PDE4D: variants seen among roughly 807,000 people sequenced by gnomAD.
PDE4D encodes phosphodiesterase 4D.
PDE4D carries 24 observed loss-of-function variants against 87.4 expected under a neutral mutation model. The ratio of observed to expected loss-of-function variants is 0.27; its 90% CI spans 0.20 to 0.39. The LOEUF is 0.39. Among genes scored for constraint, PDE4D ranks in the 10% least tolerant of loss-of-function variants. PDE4D has a pLI of 1.00. For missense variants in PDE4D, 714 were observed against 1,041.0 expected, an observed-to-expected ratio of 0.69 and a Z score of 4.32; for synonymous variants, 384 against 383.2, an observed-to-expected ratio of 1.00 and a Z score of -0.02.
intron 3 of PDE4D, among the ~76,000 whole-genome samples, chr5:59,964,681 C>T (rs1561918164): frequency 6.6e-6 from 1 of 152,296 alleles, no homozygotes; most frequent in South Asian, 2.1e-4. Flanking sequence ...TCATTTCCCA[C>T]CTGAATTACT....
At chr5:59,997,197 G>A (rs1261910009) in intron 2 of PDE4D, among the ~76,000 whole-genome samples, 1 of 152,096 alleles carries the variant, frequency 6.6e-6, no homozygotes, top group East Asian at 1.9e-4. Flanking sequence ...GGAAAAACAT[G>A]AGTTCTGTCA....
upstream of PDE4D, among the ~76,000 whole-genome samples, chr5:59,898,416 G>A (rs1296780778): frequency 6.6e-6 from 1 of 152,160 alleles, no homozygotes; most frequent in Non-Finnish European, 1.5e-5. Context: ...GGAAGATGGG[G>A]GGAAGAGATA....
chr5:59,902,474 G>T (rs1370834399), intron 3 of PDE4D, among the ~76,000 whole-genome samples: 2 of 152,106 alleles, frequency 1.3e-5, no homozygotes, highest in Non-Finnish European at 2.9e-5. Context: ...TATTAAAAAT[G>T]GAAAGGTTAT....
At chr5:59,808,429 C>T (rs1310908759) in intron 1 of PDE4D, among the ~76,000 whole-genome samples, 1 of 152,158 alleles carries the variant, frequency 6.6e-6, no homozygotes, top group Non-Finnish European at 1.5e-5. Flanking sequence ...GTGTTTAACC[C>T]AGAGCTCTTT....
chr5:60,418,097 G>A (rs1041048687), intron 1 of PDE4D, among the ~76,000 whole-genome samples: 9 of 152,184 alleles, frequency 5.9e-5, no homozygotes, highest in African/African-American at 1.7e-4. Flanking sequence ...ACATTGATTC[G>A]GAATGTTCAT....
chr5:59,788,485 A>G (rs1354098721), intron 1 of PDE4D, among the ~76,000 whole-genome samples: 2 of 152,258 alleles, frequency 1.3e-5, no homozygotes, highest in African/African-American at 4.8e-5. Context: ...GATGTTGCAT[A>G]TAATTCCGTA....
At chr5:60,320,996 A>G (rs927994380) in intron 1 of PDE4D, among the ~76,000 whole-genome samples, 1 of 152,254 alleles carries the variant, frequency 6.6e-6, no homozygotes, top group Non-Finnish European at 1.5e-5. Context: ...TTACGGATTC[A>G]ATGCCATTCC....
At chr5:59,197,229 G>C (rs1388785600) in intron 2 of PDE4D, among the ~76,000 whole-genome samples, 1 of 151,764 alleles carries the variant, frequency 6.6e-6, no homozygotes, top group Non-Finnish European at 1.5e-5. Context: ...TTTTCTCTTT[G>C]GTTGTATCTC....
At chr5:59,568,207 T>G (rs554425065) in intron 1 of PDE4D, among the ~76,000 whole-genome samples, 238 of 152,246 alleles carry the variant, frequency 1.6e-3, no homozygotes, top group South Asian at 3.1e-3. Flanking sequence ...ATTGTGGGGA[T>G]GTATCAAAGG....
At chr5:60,265,128 T>C (rs942634179) in intron 1 of PDE4D, among the ~76,000 whole-genome samples, 2 of 152,076 alleles carry the variant, frequency 1.3e-5, no homozygotes, top group African/African-American at 4.8e-5. Flanking sequence ...CCTAGAAATA[T>C]GGGGATGGCC....
At chr5:60,037,104 G>A (rs1399288549) in intron 2 of PDE4D, among the ~76,000 whole-genome samples, 1 of 152,110 alleles carries the variant, frequency 6.6e-6, no homozygotes, top group African/African-American at 2.4e-5. Flanking sequence ...TACGCATATG[G>A]TTTTTCATCA....
intron 5 of PDE4D, among the ~76,000 whole-genome samples, chr5:59,087,653 A>G (rs1428851944): frequency 6.6e-6 from 1 of 152,206 alleles, no homozygotes; most frequent in Non-Finnish European, 1.5e-5. Context: ...GCTTTTTAGC[A>G]TAATATCTAA....
chr5:60,109,527 C>G (rs367940252), intron 2 of PDE4D, among the ~76,000 whole-genome samples: 2 of 150,788 alleles, frequency 1.3e-5, no homozygotes, highest in South Asian at 2.1e-4. Context: ...ACCCAAAGGA[C>G]TATAAATCAT....
chr5:59,957,848 TG>T (rs1461839042), intron 3 of PDE4D, among the ~76,000 whole-genome samples: 1 of 152,134 alleles, frequency 6.6e-6, no homozygotes, highest in African/African-American at 2.4e-5. Context: ...CTAAGTTTAT[TG>T]TCTAAGTAAC....
intron 2 of PDE4D, among the ~76,000 whole-genome samples, chr5:60,000,235 G>A (rs1273824176): frequency 3.3e-5 from 5 of 151,864 alleles, no homozygotes; most frequent in Admixed American, 3.3e-4. Context: ...CCAAATTCAA[G>A]ACACTGATAA....
At chr5:59,531,462 G>A (rs1049052053) in intron 1 of PDE4D, among the ~76,000 whole-genome samples, 5 of 152,212 alleles carry the variant, frequency 3.3e-5, no homozygotes, top group African/African-American at 1.2e-4. Context: ...TGCTGCTGGT[G>A]TAACAAATTA....
intron 1 of PDE4D, among the ~76,000 whole-genome samples, chr5:59,887,120 C>T (rs1209550263): frequency 6.6e-6 from 1 of 152,040 alleles, no homozygotes; most frequent in East Asian, 1.9e-4. Flanking sequence ...GAGGAAGAGT[C>T]TAAGAATGCC....
intron 1 of PDE4D, among the ~76,000 whole-genome samples, chr5:59,816,668 A>G (rs1769014314): frequency 6.6e-6 from 1 of 152,132 alleles, no homozygotes; most frequent in African/African-American, 2.4e-5. Flanking sequence ...TACACCCCTC[A>G]CTACCGCTAT....
At chr5:59,116,341 G>A (rs1773607196) in intron 5 of PDE4D, among the ~76,000 whole-genome samples, 1 of 152,100 alleles carries the variant, frequency 6.6e-6, no homozygotes, top group African/African-American at 2.4e-5. Flanking sequence ...ATTGTATGAC[G>A]ATGATACAAA....
Sources: gnomAD v4.1 joint callset for allele counts (sites outside exome capture counted in the v4.1 genomes callset) on GRCh38, gnomAD v4.1.1 for gene constraint, MANE v1.5 for transcripts, NCBI Gene and HGNC (gene_info 2026-07-23, HGNC 2026-07-21) for gene names.